The following AKR1C8 variants were observed in gnomAD, a reference collection of about 807,000 sequenced individuals.
AKR1C8 encodes the protein aldo-keto reductase family 1 member C8.
chr10:5,145,394 T>C, the AKR1C8 span, among the ~76,000 whole-genome samples: 2 of 152,090 alleles, frequency 1.3e-5, no homozygotes, highest in African/African-American at 4.8e-5. Context: ...GAAACTACCA[T>C]CAGAGTGAAC....
At chr10:5,127,510 G>C in the AKR1C8 span, among the ~76,000 whole-genome samples, 1 of 152,166 alleles carries the variant, frequency 6.6e-6, no homozygotes, top group African/African-American at 2.4e-5. Context: ...CTTGAGGTCA[G>C]GAGTTCAAGA....
the AKR1C8 span, among the ~76,000 whole-genome samples, chr10:5,133,395 C>T: frequency 2.0e-5 from 3 of 152,068 alleles, no homozygotes; most frequent in Non-Finnish European, 4.4e-5. Flanking sequence ...AGGAAGCCTC[C>T]TAATTATTTT....
chr10:5,132,940 A>G, the AKR1C8 span, among the ~76,000 whole-genome samples: 2 of 152,182 alleles, frequency 1.3e-5, no homozygotes, highest in Non-Finnish European at 2.9e-5. Context: ...TTAGTAATAA[A>G]TGTTGGGTAT....
the AKR1C8 span, among the ~76,000 whole-genome samples, chr10:5,167,288 A>T: frequency 6.6e-6 from 1 of 152,226 alleles, no homozygotes; most frequent in African/African-American, 2.4e-5. Context: ...TACTGGGTAT[A>T]TACCCAAAGG....
the AKR1C8 span, among the ~76,000 whole-genome samples, chr10:5,182,490 C>T: frequency 6.6e-6 from 1 of 152,096 alleles, no homozygotes; most frequent in Non-Finnish European, 1.5e-5. Flanking sequence ...GAAAAATTGA[C>T]CCAACTCATA....
the AKR1C8 span, among the ~76,000 whole-genome samples, chr10:5,144,553 G>A: frequency 6.6e-6 from 1 of 151,092 alleles, no homozygotes; most frequent in African/African-American, 2.4e-5. Flanking sequence ...ATTTCCTTGA[G>A]CAGTGGTTTG....
chr10:5,154,547 G>T, the AKR1C8 span: 2 of 192,828 alleles, frequency 1.0e-5, no homozygotes, highest in Admixed American at 5.4e-5. Context: ...CAGGGCCACA[G>T]ACATGAGTAA....
the AKR1C8 span, among the ~76,000 whole-genome samples, chr10:5,122,322 C>G: frequency 2.0e-5 from 3 of 152,180 alleles, no homozygotes; most frequent in African/African-American, 7.2e-5. Context: ...GGGACCTCTT[C>G]CACCTGAGCT....
chr10:5,169,002 C>T, the AKR1C8 span, among the ~76,000 whole-genome samples: 3 of 152,106 alleles, frequency 2.0e-5, no homozygotes, highest in African/African-American at 7.2e-5. Context: ...CTCCCTATCT[C>T]CTGATTCAAT....
At chr10:5,147,834 C>G in the AKR1C8 span, among the ~76,000 whole-genome samples, 102 of 152,240 alleles carry the variant, frequency 6.7e-4, 3 homozygotes, top group Non-Finnish European at 1.6e-4. Context: ...GGGATCTGGA[C>G]GGCTGTGGTC....
the AKR1C8 span, among the ~76,000 whole-genome samples, chr10:5,160,386 A>G: frequency 6.6e-6 from 1 of 151,968 alleles, no homozygotes; most frequent in African/African-American, 2.4e-5. Context: ...ATGGGAAAAA[A>G]AAATGAAAAA....
At chr10:5,127,722 C>A in the AKR1C8 span, among the ~76,000 whole-genome samples, 30 of 79,648 alleles carry the variant, frequency 3.8e-4, no homozygotes, top group East Asian at 1.9e-3. Context: ...AAGACTCTGT[C>A]AAAAAAAAAA....
chr10:5,122,339 C>G, the AKR1C8 span, among the ~76,000 whole-genome samples: 2 of 152,178 alleles, frequency 1.3e-5, no homozygotes, highest in African/African-American at 2.4e-5. Context: ...AGCTCTGCCT[C>G]TTCTCCATCC....
chr10:5,180,034 G>C, the AKR1C8 span, among the ~76,000 whole-genome samples: 30 of 152,300 alleles, frequency 2.0e-4, no homozygotes, highest in African/African-American at 7.2e-4. Context: ...CGTTCGTTTG[G>C]AGGAGGAGAG....
chr10:5,163,709 A>G, the AKR1C8 span, among the ~76,000 whole-genome samples: 1 of 152,208 alleles, frequency 6.6e-6, no homozygotes, highest in Admixed American at 6.5e-5. Context: ...AGACACAGAT[A>G]AGGAAACTTC....
chr10:5,178,249 T>C, the AKR1C8 span, among the ~76,000 whole-genome samples: 4 of 152,228 alleles, frequency 2.6e-5, no homozygotes, highest in Non-Finnish European at 4.4e-5. Flanking sequence ...CCAGTAGTCA[T>C]TCAGGAGCAG....
chr10:5,176,758 C>G, the AKR1C8 span, among the ~76,000 whole-genome samples: 76 of 152,256 alleles, frequency 5.0e-4, 1 homozygote, highest in South Asian at 0.015. Flanking sequence ...TGGGAGTTCA[C>G]TCATGATTTG....
chr10:5,154,216 T>A, the AKR1C8 span: 2 of 469,288 alleles, frequency 4.3e-6, no homozygotes, highest in Non-Finnish European at 8.8e-6. Flanking sequence ...TAGTAACTTT[T>A]TTCCATTCTG....
the AKR1C8 span, among the ~76,000 whole-genome samples, chr10:5,181,915 T>TA: frequency 3.3e-5 from 5 of 151,976 alleles, no homozygotes; most frequent in Admixed American, 6.5e-5. Flanking sequence ...AAGTTTCTAA[T>TA]AAAAAAACAT....
Sources: gnomAD v4.1 joint callset for allele counts (sites outside exome capture counted in the v4.1 genomes callset) on GRCh38, gnomAD v4.1.1 for gene constraint, MANE v1.5 for transcripts, NCBI Gene and HGNC (gene_info 2026-07-23, HGNC 2026-07-21) for gene names.